Variants in PCDHA1 observed in about 807,000 individuals in gnomAD.
PCDHA1 encodes protocadherin alpha-1.
A neutral mutation model predicts 61.3 loss-of-function variants in PCDHA1; 42 were observed. The observed-to-expected ratio is 0.69, with a 90% CI of 0.54 to 0.89. The LOEUF (loss-of-function observed/expected upper bound fraction) is 0.89. PCDHA1 is among the 40% of genes least tolerant of loss of function. The pLI, the probability that PCDHA1 is intolerant of heterozygous loss-of-function variation, is 0.00. For missense variants in PCDHA1, 1,256 were observed against 1,235.3 expected (o/e 1.02, Z -0.25); for synonymous variants, 610 against 553.8 (o/e 1.10, Z -1.43).
chr5:140,989,350 T>G (rs188962457), intron 3 of PCDHA1, among the ~76,000 whole-genome samples: 17 of 152,274 alleles, frequency 1.1e-4, no homozygotes, highest in African/African-American at 3.9e-4. Context: ...TCAAAGGTGA[T>G]AGGTCACCTG....
chr5:140,876,791 G>C lies in PCDHA1; in HGVS notation c.2394+88107G>C, dbSNP rs782617794. 4.3e-6 allele frequency: 7 copies of C among 1,614,242 alleles called. No homozygotes were observed. The Admixed American group carries it at 1.2e-4, about 27-fold the overall frequency. On this transcript the variant is annotated intron_variant, in intron 1 of 3. Coordinates refer to ENST00000504120, the MANE Select transcript of PCDHA1 (RefSeq NM_018900.4). ...TCGCCTTCGCTGTGGGCCACGGCTA[G>C]AGTGTCCGTGGAGGTGGCCGACGTG...
chr5:140,809,383 C>G (rs558389511), intron 1 of PCDHA1: 1 of 1,614,038 alleles, frequency 6.2e-7, no homozygotes, highest in South Asian at 1.1e-5. Context: ...AGGGCGCGTG[C>G]GCTCCGGGCA....
At position 140,788,529 on chromosome 5, in the gene PCDHA1, A is replaced by T; in HGVS notation, c.2239A>T (p.Ser747Cys). ...PTLVCSSALGSWSNSQQRRQR... is the reference protein window; with the variant it reads ...PTLVCSSALGCWSNSQQRRQR... ...TCTGGTGTGCTCCAGCGCGTTGGGG[A>T]GCTGGTCGAACTCACAGCAGAGGCG... Residue 747 changes from serine (S) to cysteine (C), a missense_variant, in exon 1 of 4, where the codon AGC becomes TGC. Physicochemically the swap from Ser to Cys is moderately radical, Grantham distance 112. Coordinates refer to ENST00000504120, the MANE Select transcript of PCDHA1 (RefSeq NM_018900.4). The T allele has an allele frequency of 6.2e-7, 1 of 1,614,036 alleles. No individual in the cohort carries two copies. Among genetic ancestry groups the T allele is most frequent in the Non-Finnish European group, 8.5e-7 (1 of 1,179,948 alleles).
chr5:140,801,799 A>T, intron 1 of PCDHA1: 1 of 1,614,092 alleles, frequency 6.2e-7, no homozygotes, highest in Non-Finnish European at 8.5e-7. Flanking sequence ...AAAAATTTAA[A>T]TCGAGAGGAC....
At chr5:140,927,925 C>G in intron 1 of PCDHA1, 4 of 1,614,214 alleles carry the variant, frequency 2.5e-6, no homozygotes, top group Non-Finnish European at 8.5e-7. Flanking sequence ...CTTCCTGACT[C>G]TTTCGAACCC....
chr5:140,973,554 C>T (rs897513375), intron 1 of PCDHA1, among the ~76,000 whole-genome samples: 3 of 152,316 alleles, frequency 2.0e-5, no homozygotes, highest in Admixed American at 6.5e-5. Flanking sequence ...TTTCAATTAC[C>T]TCTTTCCTCA....
chr5:140,901,695 T>G (rs1554189992), intron 1 of PCDHA1, among the ~76,000 whole-genome samples: 1 of 152,216 alleles, frequency 6.6e-6, no homozygotes, highest in Non-Finnish European at 1.5e-5. Context: ...TATTTTGTAG[T>G]TCTATATACA....
chr5:140,822,736 G>A, intron 1 of PCDHA1: 1 of 1,613,386 alleles, frequency 6.2e-7, no homozygotes, highest in Non-Finnish European at 8.5e-7. Context: ...TAATATTGAT[G>A]CCATGGATAA....
chr5:140,964,918 G>A (rs563180752), intron 1 of PCDHA1, among the ~76,000 whole-genome samples: 59 of 152,308 alleles, frequency 3.9e-4, no homozygotes, highest in Admixed American at 3.4e-3. Context: ...GAATAACACT[G>A]GCTAGGTAGT....
At chr5:140,809,619 T>C in intron 1 of PCDHA1, 1 of 1,511,388 alleles carries the variant, frequency 6.6e-7, no homozygotes. Flanking sequence ...TGTTTTTCTC[T>C]ATCAACTTCT....
chr5:140,941,214 C>CCTTTCTTT lies in PCDHA1; in HGVS notation c.2395-37700_2395-37693dup, dbSNP rs60032403. On this transcript the variant is annotated intron_variant, in intron 1 of 3. Coordinates refer to ENST00000504120, the MANE Select transcript of PCDHA1 (RefSeq NM_018900.4). ...TTTTTTCTTTCTTCCTTTCTTTCTTCCTTTCTTTCTTTCTTTCTTTCTTTC... is the reference window on the plus strand; with the variant it reads ...TTTTTTCTTTCTTCCTTTCTTTCTTCCTTTCTTTCTTTCTTTCTTTCTTTCTTTCTTTC... Among the ~76,000 whole-genome samples, 464 of 122,456 alleles carry CCTTTCTTT rather than the reference C, an allele frequency of 3.8e-3. 7 individuals are homozygous for CCTTTCTTT. The highest frequency in any genetic ancestry group is 0.025 in the Middle Eastern group (6 of 238). 80.3% of individuals were successfully genotyped at this position (122,456 alleles called of 152,430 possible).
intron 1 of PCDHA1, among the ~76,000 whole-genome samples, chr5:140,904,463 AT>A (rs2071154368): frequency 6.6e-6 from 1 of 151,520 alleles, no homozygotes; most frequent in Non-Finnish European, 1.5e-5. Flanking sequence ...ACACTTGTTG[AT>A]TGGTGGCTAT....
In PCDHA1 at chr5:140,849,164, T is replaced by A. The variant is rs2150431781; in HGVS notation, c.2394+60480T>A. On this transcript the variant is annotated intron_variant, in intron 1 of 3. Transcript: ENST00000504120. The stretch of plus-strand genomic sequence containing the variant: ...CCGATGGAGGCAAACCCGAGCTGAC[T>A]GGCACCGTTCAATTACTCATCACGG... 2.2e-5 allele frequency: 26 copies of A among 1,167,304 alleles called. No homozygotes were observed. In the East Asian group the frequency reaches 6.1e-4, roughly 28 times the overall value. 72.3% of individuals were successfully genotyped at this position (1,167,304 alleles called of 1,614,324 possible).
intron 1 of PCDHA1, chr5:140,808,630 C>G: frequency 6.2e-7 from 1 of 1,613,606 alleles, no homozygotes; most frequent in Non-Finnish European, 8.5e-7. Flanking sequence ...CTGCGTGGGA[C>G]GCGGACGCGC....
chr5:140,834,258 C>T, intron 1 of PCDHA1: 2 of 940,106 alleles, frequency 2.1e-6, no homozygotes, highest in Non-Finnish European at 3.2e-6. Context: ...AAAGACGCTC[C>T]ACTCTCTTTC....
chr5:140,870,883 C>A (rs782137761), intron 1 of PCDHA1: 1 of 1,613,920 alleles, frequency 6.2e-7, no homozygotes, highest in Non-Finnish European at 8.5e-7. Context: ...GGCGAAGGTG[C>A]GCGCAGTGGA....
chr5:140,941,492 T>G (rs1446870882), intron 1 of PCDHA1, among the ~76,000 whole-genome samples: 18 of 151,592 alleles, frequency 1.2e-4, no homozygotes, highest in Admixed American at 1.2e-3. Flanking sequence ...ATTTTTTGTA[T>G]TTTTAGTAGA....
intron 1 of PCDHA1, among the ~76,000 whole-genome samples, chr5:140,902,149 G>T (rs1471758440): frequency 6.8e-6 from 1 of 147,458 alleles, no homozygotes; most frequent in African/African-American, 2.5e-5. Flanking sequence ...AGGATAATTT[G>T]ATTTCTTCCT....
At position 140,850,278 on chromosome 5, in the gene PCDHA1, C is replaced by A. The variant is rs2150477296; in HGVS notation, c.2394+61594C>A. On this transcript the variant is annotated intron_variant, in intron 1 of 3. Transcript: ENST00000504120. ...CGCCGGCGTAGTGGTGGGGAAGGTG[C>A]GCGCAGTGGACGCCGACTCGGGCTA... is the stretch of plus-strand genomic sequence containing the variant. 5 of 1,595,340 alleles carry A rather than the reference C, an allele frequency of 3.1e-6. 1 individual carries two copies. Among genetic ancestry groups the A allele is most frequent in the South Asian group, 1.1e-5 (1 of 90,456 alleles).
Sources: allele counts gnomAD v4.1 joint callset (sites outside exome capture counted in the v4.1 genomes callset), GRCh38; gene constraint gnomAD v4.1.1; transcripts MANE v1.5; gene names NCBI Gene and HGNC (gene_info 2026-07-23, HGNC 2026-07-21).